CALN1: variants seen among roughly 807,000 people sequenced by gnomAD.
The protein encoded by CALN1 is calcium-binding protein 8.
In CALN1, 17 loss-of-function variants were observed where a neutral mutation model predicts 30.6. The ratio of observed to expected loss-of-function variants is 0.56; its 90% CI spans 0.38 to 0.83. The LOEUF is 0.83. CALN1 is among the 40% of genes least tolerant of loss of function. CALN1 has a pLI of 0.00. For missense variants in CALN1, 291 were observed against 354.9 expected (o/e 0.82, Z 1.45); for synonymous variants, 156 against 131.4 (o/e 1.19, Z -1.28).
chr7:72,443,896 T>G (rs1031181903), intron 1 of CALN1, among the ~76,000 whole-genome samples: 37 of 142,642 alleles, frequency 2.6e-4, no homozygotes, highest in Admixed American at 1.0e-3. Flanking sequence ...CAGGCTGGAG[T>G]GCAGTGGTGT....
chr7:72,192,717 T>C (rs552793685), intron 3 of CALN1, among the ~76,000 whole-genome samples: 74 of 151,158 alleles, frequency 4.9e-4, no homozygotes, highest in African/African-American at 1.8e-3. Context: ...GCAGGTTACA[T>C]ATGTATACAT....
At chr7:72,073,743 G>C (rs1243498360) in intron 4 of CALN1, among the ~76,000 whole-genome samples, 1 of 151,336 alleles carries the variant, frequency 6.6e-6, no homozygotes, top group East Asian at 1.9e-4. Context: ...ACCCAGGCTG[G>C]AGTGCAGCAG....
At chr7:71,887,170 T>C (rs1281260199) in intron 5 of CALN1, among the ~76,000 whole-genome samples, 1 of 152,060 alleles carries the variant, frequency 6.6e-6, no homozygotes, top group East Asian at 1.9e-4. Flanking sequence ...ATCTGTGAGG[T>C]TGGCAAGACG....
chr7:71,877,406 T>G (rs1407967275), intron 5 of CALN1, among the ~76,000 whole-genome samples: 1 of 152,194 alleles, frequency 6.6e-6, no homozygotes, highest in African/African-American at 2.4e-5. Flanking sequence ...AAGAAAATTA[T>G]CTTCTCATTA....
At chr7:72,466,878 G>A in the CALN1 span, among the ~76,000 whole-genome samples, 1 of 151,764 alleles carries the variant, frequency 6.6e-6, no homozygotes, top group East Asian at 1.9e-4. Context: ...AAGAAAGAAG[G>A]AAAGAAAGAA....
intron 3 of CALN1, among the ~76,000 whole-genome samples, chr7:72,205,199 G>A (rs187770052): frequency 1.7e-3 from 255 of 150,330 alleles, no homozygotes; most frequent in Middle Eastern, 6.9e-3. Context: ...TTTTATTTTT[G>A]CTTTTCTTTT....
At chr7:72,271,564 TAA>T (rs1305576740) in intron 3 of CALN1, among the ~76,000 whole-genome samples, 5 of 64,572 alleles carry the variant, frequency 7.7e-5, no homozygotes, top group African/African-American at 3.3e-4. Context: ...GCCTGCCTTT[TAA>T]AAAAAAAAAA....
At chr7:71,910,452 G>A (rs904119790) in intron 5 of CALN1, among the ~76,000 whole-genome samples, 1 of 152,194 alleles carries the variant, frequency 6.6e-6, no homozygotes, top group East Asian at 1.9e-4. Context: ...CACCAGTAAT[G>A]TCCGTGCACC....
intron 6 of CALN1, among the ~76,000 whole-genome samples, chr7:71,808,825 T>C (rs897201206): frequency 2.0e-5 from 3 of 152,148 alleles, no homozygotes; most frequent in Non-Finnish European, 4.4e-5. Flanking sequence ...GGGGCTCACA[T>C]CATCTGTCAG....
intron 5 of CALN1, among the ~76,000 whole-genome samples, chr7:71,988,809 C>A (rs1299347149): frequency 6.6e-6 from 1 of 152,050 alleles, no homozygotes. Context: ...GGGGACTGGA[C>A]ACACAGTGAG....
intron 3 of CALN1, among the ~76,000 whole-genome samples, chr7:72,117,310 G>A (rs1808054357): frequency 6.6e-6 from 1 of 152,154 alleles, no homozygotes; most frequent in African/African-American, 2.4e-5. Flanking sequence ...GAATGCTTGA[G>A]TTAAAATAAG....
At chr7:72,117,944 C>T (rs1184702300) in intron 3 of CALN1, among the ~76,000 whole-genome samples, 2 of 139,956 alleles carry the variant, frequency 1.4e-5, no homozygotes, top group South Asian at 2.3e-4. Flanking sequence ...GGCGACAGTG[C>T]GAGACACCGT....
At chr7:72,328,631 G>A (rs567481029) in intron 2 of CALN1, among the ~76,000 whole-genome samples, 3 of 152,372 alleles carry the variant, frequency 2.0e-5, no homozygotes, top group African/African-American at 4.8e-5. Flanking sequence ...GATGGTAGGG[G>A]AAAGTGTTTT....
rs1397226305 is a variant in CALN1 at position 72,356,231 on chromosome 7, A to ACAGAGATGAAAGGGTAAGG, written c.119+47001_119+47019dup. Among the ~76,000 whole-genome samples, 15 of 150,270 alleles carry ACAGAGATGAAAGGGTAAGG rather than the reference A, an allele frequency of 1.0e-4. 1 individual carries two copies. Among genetic ancestry groups the ACAGAGATGAAAGGGTAAGG allele is most frequent in the African/African-American group, 3.5e-4 (14 of 39,636 alleles). ...AAAAGATATGGTTTCAAATGGAGGAACAGAGATGAAAGGGTAAGGAGCACT... is the reference window on the plus strand; with the variant it reads ...AAAAGATATGGTTTCAAATGGAGGAACAGAGATGAAAGGGTAAGGCAGAGATGAAAGGGTAAGGAGCACT... On this transcript the variant is annotated intron_variant, in intron 2 of 6. Coordinates refer to ENST00000395275, the MANE Select transcript of CALN1 (RefSeq NM_031468.4).
At chr7:72,368,622 C>A (rs1038391336) in intron 2 of CALN1, among the ~76,000 whole-genome samples, 6 of 151,984 alleles carry the variant, frequency 3.9e-5, no homozygotes, top group Non-Finnish European at 8.8e-5. Context: ...ATATGAGCTA[C>A]AAAACCATCA....
intron 5 of CALN1, among the ~76,000 whole-genome samples, chr7:71,828,730 G>A (rs1243236198): frequency 6.6e-6 from 1 of 151,018 alleles, no homozygotes; most frequent in Non-Finnish European, 1.5e-5. Context: ...GTGTGTGTGT[G>A]TGTGTGTGTG....
intron 3 of CALN1, among the ~76,000 whole-genome samples, chr7:72,201,354 C>T (rs1019959557): frequency 3.3e-5 from 5 of 151,896 alleles, no homozygotes; most frequent in Admixed American, 6.6e-5. Flanking sequence ...TTTGGGAGGC[C>T]GAGGTGGGTG....
At chr7:72,466,957 G>C in the CALN1 span, among the ~76,000 whole-genome samples, 1 of 152,152 alleles carries the variant, frequency 6.6e-6, no homozygotes, top group African/African-American at 2.4e-5. Flanking sequence ...GAGGGCAGAG[G>C]AAGGTCACTT....
intron 5 of CALN1, among the ~76,000 whole-genome samples, chr7:71,903,574 ATG>A (rs1368574381): frequency 6.6e-6 from 1 of 152,206 alleles, no homozygotes; most frequent in African/African-American, 2.4e-5. Context: ...AGAGACTTAA[ATG>A]TAAGACCCAA....
Sources: gnomAD v4.1 joint callset for allele counts (sites outside exome capture counted in the v4.1 genomes callset) on GRCh38, gnomAD v4.1.1 for gene constraint, MANE v1.5 for transcripts, NCBI Gene and HGNC (gene_info 2026-07-23, HGNC 2026-07-21) for gene names.